USF3: variants seen among roughly 807,000 people sequenced by gnomAD.
USF3 encodes the protein basic helix-loop-helix domain-containing protein USF3.
In USF3, 29 loss-of-function variants were observed where a neutral mutation model predicts 157.5. That is an observed-to-expected ratio of 0.18 (90% CI 0.14 to 0.25). USF3 has a LOEUF of 0.25. Among genes scored for constraint, USF3 ranks in the 10% least tolerant of loss-of-function variants. The pLI is 1.00. For synonymous variants in USF3, 893 were observed against 941.4 expected (o/e 0.95, Z 0.94); for missense variants, 2,381 against 2,667.6 (o/e 0.89, Z 2.37).
intron 6 of USF3, among the ~76,000 whole-genome samples, chr3:113,663,742 A>G (rs962143984): frequency 6.6e-6 from 1 of 152,226 alleles, no homozygotes; most frequent in Non-Finnish European, 1.5e-5. Context: ...TCCCGCTGCT[A>G]TAAGAAAACT....
At chr3:113,690,851 T>C (rs1393164000) in intron 1 of USF3, among the ~76,000 whole-genome samples, 1 of 152,180 alleles carries the variant, frequency 6.6e-6, no homozygotes, top group South Asian at 2.1e-4. Context: ...CTCTCATATA[T>C]TATTAATCCC....
At position 113,651,697 on chromosome 3, in the gene USF3, T is replaced by A. The variant is rs1403346447; in HGVS notation, c.*3247A>T. On this transcript the variant is annotated 3_prime_UTR_variant, in exon 7 of 7. Transcript: ENST00000316407. ...GCTTTTAAATCAAATAAGGGTACTA[T>A]GGTCTGAACACTTTCAGAATTAAGC... 6.6e-6 allele frequency: 1 copy of A among 152,202 alleles called. No individual in the cohort carries two copies. The highest frequency in any genetic ancestry group is 1.5e-5 in the Non-Finnish European group (1 of 68,034). The allele number at this position is 152,202 out of a possible 1,614,324, so 9.4% of individuals were successfully genotyped here. A position where few individuals can be genotyped will look rare whatever the true frequency, so the allele number is the denominator to read the frequency against.
chr3:113,670,064 AACT>A, intron 5 of USF3, 54 bp downstream of exon 5: 2 of 1,160,490 alleles, frequency 1.7e-6, no homozygotes, highest in Non-Finnish European at 2.6e-6. Context: ...GCACCAAAAC[AACT>A]TAGGGAATTG....
rs775093964 is a variant in USF3, at chr3:113,660,909, G to A, written c.773C>T (p.Ala258Val). 4 of 1,614,164 alleles carry A rather than the reference G, an allele frequency of 2.5e-6. No individual in the cohort carries two copies. The highest frequency in any genetic ancestry group is 3.3e-5 in the Admixed American group (2 of 60,030). ...GTGAGGCTCAGATTCAATTGAAACA[G>A]CAATCAGTGAGCCACTAGTGGCACC... Reference protein sequence around the residue: ...VLGATSGSLIAVSIESEPHQH... With the variant: ...VLGATSGSLIVVSIESEPHQH... Residue 258 changes from alanine (A) to valine (V), a missense_variant, in exon 7 of 7, where the codon GCT becomes GTT. Physicochemically the swap from Ala to Val is moderately conservative, Grantham distance 64. Transcript: ENST00000316407.
In USF3 at chr3:113,652,108, A is replaced by AGTGTGTGTGT. The variant is rs5851904; in HGVS notation, c.*2826_*2835dup. On this transcript the variant is annotated 3_prime_UTR_variant, in exon 7 of 7. Transcript: ENST00000316407. Reference sequence around the variant, plus strand: ...TGGAGAGAGAGAGAGAGAGAGAGAGAGTGTGTGTGTGTGTGTGTGTGTGTG... The same window carrying AGTGTGTGTGT: ...TGGAGAGAGAGAGAGAGAGAGAGAGAGTGTGTGTGTGTGTGTGTGTGTGTGTGTGTGTGTG... 1.1e-4 allele frequency: 15 copies of AGTGTGTGTGT among 142,082 alleles called. No individual in the cohort carries two copies. The highest frequency in any genetic ancestry group is 3.9e-4 in the African/African-American group (15 of 38,384). The allele number at this position is 142,082 out of a possible 1,614,324, so 8.8% of individuals were successfully genotyped here.
chr3:113,658,235 C>T lies in USF3; in HGVS notation c.3447G>A (p.Gly1149=), dbSNP rs1248278504. The change falls in exon 7 of 7, where the codon GGG becomes GGA. Residue 1149 remains glycine, a synonymous_variant. Transcript: ENST00000316407. ...TTATATCAGCCTGGAGGCCAACTCT[C>T]CCCTTCTCAAGGTTCTCCTGGTCAA... ...AIFDQENLEK[G]RVGLQADIRE... is the part of the protein sequence containing the mutation. 6.2e-7 allele frequency: 1 copy of T among 1,614,166 alleles called. No individual in the cohort carries two copies. The highest frequency in any genetic ancestry group is 1.7e-5 in the Admixed American group (1 of 60,024).
chr3:113,661,928 C>T (rs1422581294), intron 6 of USF3, among the ~76,000 whole-genome samples: 1 of 152,168 alleles, frequency 6.6e-6, no homozygotes, highest in Non-Finnish European at 1.5e-5. Context: ...CTCACTGCAA[C>T]CTCCACCTCC....
rs1051928304 is a variant in USF3, at chr3:113,654,186, A to G, written c.*758T>C. 5.9e-5 allele frequency: 9 copies of G among 152,706 alleles called. No individual in the cohort carries two copies. Among genetic ancestry groups the G allele is most frequent in the Admixed American group, 2.6e-4 (4 of 15,290 alleles). 9.5% of individuals were successfully genotyped at this position (152,706 alleles called of 1,614,324 possible). A position where few individuals can be genotyped will look rare whatever the true frequency, so the allele number is the denominator to read the frequency against. ...CCCTTATGACCCGATGCAAAATGCA[A>G]GCACAAAACGGAGAATATGTATGTA... is the stretch of plus-strand genomic sequence containing the variant. On this transcript the variant is annotated 3_prime_UTR_variant, in exon 7 of 7. Transcript: ENST00000316407.
chr3:113,693,900 G>T (rs1252474783), intron 1 of USF3, among the ~76,000 whole-genome samples: 1 of 152,214 alleles, frequency 6.6e-6, no homozygotes, highest in Admixed American at 6.5e-5. Flanking sequence ...GCAGTGGGGG[G>T]AAAGTTGGAC....
chr3:113,683,110 G>A (rs753850921), intron 1 of USF3, among the ~76,000 whole-genome samples: 10 of 151,428 alleles, frequency 6.6e-5, no homozygotes, highest in African/African-American at 1.2e-4. Flanking sequence ...TACATGTTGC[G>A]TATTTATTGT....
intron 1 of USF3, among the ~76,000 whole-genome samples, chr3:113,682,836 G>C (rs1707464182): frequency 6.8e-6 from 1 of 147,506 alleles, no homozygotes; most frequent in Non-Finnish European, 1.5e-5. Flanking sequence ...CAGTCTATGT[G>C]TGTCTGTGTG....
chr3:113,684,897 C>T (rs1318881874), intron 1 of USF3, among the ~76,000 whole-genome samples: 2 of 152,004 alleles, frequency 1.3e-5, no homozygotes, highest in Non-Finnish European at 2.9e-5. Flanking sequence ...CTGGATGGCC[C>T]TGATGCTTGT....
chr3:113,667,527 C>A (rs1486642604), intron 5 of USF3, among the ~76,000 whole-genome samples: 2 of 152,182 alleles, frequency 1.3e-5, no homozygotes, highest in East Asian at 3.9e-4. Context: ...AATTAGAAGG[C>A]ATAGTGTGTG....
chr3:113,659,591 T>G lies in USF3; in HGVS notation c.2091A>C (p.Glu697Asp), dbSNP rs780479583. ...PMQIIQPTTS[E>D]DPNTNVALNT... is the part of the protein sequence containing the mutation. The stretch of plus-strand genomic sequence containing the variant: ...TCAGGGCAACATTGGTATTTGGATC[T>G]TCGCTGGTGGTGGGTTGAATAATTT... Residue 697 changes from glutamate (E) to aspartate (D), a missense_variant, in exon 7 of 7, where the codon GAA (glutamate) becomes GAC (aspartate). Transcript: ENST00000316407. The G allele has an allele frequency of 1.1e-5, 17 of 1,614,044 alleles. No individual in the cohort carries two copies. Among genetic ancestry groups the G allele is most frequent in the Non-Finnish European group, 1.4e-5 (17 of 1,179,870 alleles).
intron 4 of USF3, among the ~76,000 whole-genome samples, chr3:113,672,864 A>G (rs1228471572): frequency 6.6e-6 from 1 of 152,230 alleles, no homozygotes; most frequent in Non-Finnish European, 1.5e-5. Flanking sequence ...TGTAATTTCA[A>G]TATTTGAGAT....
At chr3:113,662,509 G>T (rs2107928854) in intron 6 of USF3, among the ~76,000 whole-genome samples, 1 of 152,312 alleles carries the variant, frequency 6.6e-6, no homozygotes, top group African/African-American at 2.4e-5. Flanking sequence ...CTGTGAGGGA[G>T]CCTGAAATGA....
Position 113,660,556 on chromosome 3 carries a change from C to G in USF3, c.1126G>C (p.Ala376Pro). The change falls in exon 7 of 7, where the codon GCC becomes CCC. Residue 376 changes from alanine to proline, a missense_variant. Ala to Pro is a conservative substitution (Grantham distance 27). Around this residue, in one of 6 missense-constraint regions of USF3, gnomAD observed 1,435 missense variants for 1,550.9 expected, o/e 0.93. Coordinates refer to ENST00000316407, the MANE Select transcript of USF3 (RefSeq NM_001009899.4). ...ATGGTGGCCTTCCCTACTCCAGGGG[C>G]AGATGATGCCACCACTGTAGCTGTA... ...TSTATVVASS[A>P]PGVGKATIPI... 1 of 1,614,176 alleles carries G rather than the reference C, an allele frequency of 6.2e-7. No individual in the cohort carries two copies. The highest frequency in any genetic ancestry group is 1.1e-5 in the South Asian group (1 of 91,084).
At chr3:113,668,008 A>G (rs941644485) in intron 5 of USF3, among the ~76,000 whole-genome samples, 7 of 152,180 alleles carry the variant, frequency 4.6e-5, no homozygotes, top group Admixed American at 4.6e-4. Context: ...CTCCTTTGAC[A>G]TACTGGGAAG....
Position 113,656,845 on chromosome 3 carries a change from C to T in USF3, c.4837G>A (p.Gly1613Ser), listed in dbSNP as rs1449675917. 2 of 1,614,094 alleles carry T rather than the reference C, an allele frequency of 1.2e-6. No individual in the cohort carries two copies. The highest frequency in any genetic ancestry group is 1.1e-5 in the South Asian group (1 of 91,090). ...QQQDVGSRQQ[G>S]SGVSSEHVSG... The stretch of plus-strand genomic sequence containing the variant: ...ACATGTTCAGATGAAACCCCTGAAC[C>T]TTGCTGTCTGCTTCCAACATCCTGC... The change falls in exon 7 of 7, where the codon GGT (glycine) becomes AGT (serine). Residue 1613 changes from glycine to serine, a missense_variant. Physicochemically the swap from Gly to Ser is moderately conservative, Grantham distance 56. Coordinates refer to ENST00000316407, the MANE Select transcript of USF3 (RefSeq NM_001009899.4).
Sources: gnomAD v4.1 joint callset for allele counts (sites outside exome capture counted in the v4.1 genomes callset) on GRCh38, gnomAD v4.1.1 for gene constraint, gnomAD v4.1.1 regional missense constraint, MANE v1.5 for transcripts, NCBI Gene and HGNC (gene_info 2026-07-23, HGNC 2026-07-21) for gene names.